ESRRG: variants seen among roughly 807,000 people sequenced by gnomAD.
ESRRG encodes estrogen-related receptor gamma.
In ESRRG, 13 loss-of-function variants were observed where a neutral mutation model predicts 44.0. The observed-to-expected ratio is 0.30, with a 90% CI of 0.19 to 0.47. The LOEUF (loss-of-function observed/expected upper bound fraction) is 0.47, where lower values mean the gene tolerates loss of function less well. Ranked by LOEUF, ESRRG falls within the 20% of genes least tolerant of loss-of-function variation. ESRRG has a pLI of 1.00. For synonymous variants in ESRRG, 215 were observed against 214.6 expected, an observed-to-expected ratio of 1.00 and a Z score of -0.02; for missense variants, 395 against 580.6, an observed-to-expected ratio of 0.68 and a Z score of 3.29.
chr1:216,737,777 T>TA (rs71817414), intron 2 of ESRRG, among the ~76,000 whole-genome samples: 141 of 147,722 alleles, frequency 9.5e-4, no homozygotes, highest in African/African-American at 1.7e-3. Context: ...AAGAAGGGAT[T>TA]AAAAAAAAAA....
intron 2 of ESRRG, among the ~76,000 whole-genome samples, chr1:216,904,204 AC>A (rs35823149): frequency 2.7e-5 from 4 of 150,274 alleles, no homozygotes; most frequent in African/African-American, 4.9e-5. Context: ...TGCAATCATC[AC>A]CCCCCCCAAC....
At chr1:217,044,457 C>T (rs1369473674) in intron 1 of ESRRG, among the ~76,000 whole-genome samples, 1 of 152,106 alleles carries the variant, frequency 6.6e-6, no homozygotes, top group Non-Finnish European at 1.5e-5. Flanking sequence ...ATTAATGTGA[C>T]CCATTCCTGG....
At chr1:216,778,568 C>A (rs567275351) in intron 2 of ESRRG, among the ~76,000 whole-genome samples, 1 of 152,032 alleles carries the variant, frequency 6.6e-6, no homozygotes, top group East Asian at 2.0e-4. Flanking sequence ...TTTCTTGGCC[C>A]ATCGCAGAGG....
chr1:216,721,064 C>A (rs999390889), intron 1 of ESRRG, among the ~76,000 whole-genome samples: 2 of 152,192 alleles, frequency 1.3e-5, no homozygotes, highest in Admixed American at 6.5e-5. Context: ...ATATTATTTT[C>A]ATCTATTTAT....
chr1:217,123,786 A>T (rs373581131), intron 1 of ESRRG, among the ~76,000 whole-genome samples: 3 of 152,144 alleles, frequency 2.0e-5, no homozygotes, highest in East Asian at 1.9e-4. Context: ...AGCATTAGGG[A>T]AAAGAGCTAA....
At chr1:216,695,279 A>G (rs375285025) in intron 1 of ESRRG, among the ~76,000 whole-genome samples, 16 of 152,122 alleles carry the variant, frequency 1.1e-4, no homozygotes, top group African/African-American at 3.4e-4. Flanking sequence ...AGTGGTTACA[A>G]AAATCTCATA....
chr1:216,509,521 C>A (rs1357008501), intron 6 of ESRRG, among the ~76,000 whole-genome samples: 1 of 152,166 alleles, frequency 6.6e-6, no homozygotes. Context: ...CTCGGCCCTA[C>A]CCATAGTCTT....
At chr1:216,996,774 C>T (rs1042774194) in intron 1 of ESRRG, among the ~76,000 whole-genome samples, 1 of 151,906 alleles carries the variant, frequency 6.6e-6, no homozygotes, top group East Asian at 1.9e-4. Flanking sequence ...TTCATTCAGC[C>T]AATATTCACT....
At chr1:217,043,753 T>C (rs1295207884) in intron 1 of ESRRG, among the ~76,000 whole-genome samples, 1 of 152,164 alleles carries the variant, frequency 6.6e-6, no homozygotes, top group Non-Finnish European at 1.5e-5. Context: ...ATATAGATTG[T>C]GCCCATACAG....
intron 1 of ESRRG, among the ~76,000 whole-genome samples, chr1:217,018,138 AT>A (rs1244317711): frequency 1.3e-5 from 2 of 152,214 alleles, no homozygotes; most frequent in African/African-American, 4.8e-5. Flanking sequence ...AATAATGGTT[AT>A]TAAATGTCTT....
At chr1:216,713,767 G>A (rs1186501148) in intron 1 of ESRRG, among the ~76,000 whole-genome samples, 1 of 152,008 alleles carries the variant, frequency 6.6e-6, no homozygotes, top group Admixed American at 6.6e-5. Flanking sequence ...TAACTTGAAT[G>A]AAAAAAGGCA....
At chr1:216,521,578 C>T (rs1335746825) in intron 5 of ESRRG, among the ~76,000 whole-genome samples, 23 of 152,108 alleles carry the variant, frequency 1.5e-4, no homozygotes, top group Admixed American at 1.5e-3. Flanking sequence ...ATGGACAGAG[C>T]GTGTAGCCCG....
chr1:217,029,689 C>T (rs1478424328), intron 1 of ESRRG, among the ~76,000 whole-genome samples: 2 of 152,094 alleles, frequency 1.3e-5, no homozygotes, highest in African/African-American at 4.8e-5. Context: ...AATATTTATA[C>T]ACTTGACTCA....
intron 1 of ESRRG, among the ~76,000 whole-genome samples, chr1:216,952,835 C>T (rs886856822): frequency 2.0e-5 from 3 of 152,068 alleles, no homozygotes; most frequent in Non-Finnish European, 4.4e-5. Context: ...GTTTTACTGT[C>T]AGCTACTAGC....
chr1:216,567,372 C>A (rs1457646350), intron 4 of ESRRG, among the ~76,000 whole-genome samples: 2 of 152,142 alleles, frequency 1.3e-5, no homozygotes, highest in African/African-American at 4.8e-5. Flanking sequence ...TGCAACTTGG[C>A]TCCATAAAAC....
At chr1:216,991,240 C>A (rs2818770) in intron 1 of ESRRG, among the ~76,000 whole-genome samples, 8 of 151,950 alleles carry the variant, frequency 5.3e-5, no homozygotes, top group Non-Finnish European at 1.2e-4. Context: ...CTGTTTCCGG[C>A]GCCAAAAAGG....
intron 6 of ESRRG, among the ~76,000 whole-genome samples, chr1:216,516,180 C>T (rs1408962159): frequency 1.3e-5 from 2 of 152,018 alleles, no homozygotes; most frequent in Admixed American, 1.3e-4. Context: ...TAAGAGAATA[C>T]ATAGCTTAAA....
chr1:216,743,542 A>G (rs534296374), intron 2 of ESRRG, among the ~76,000 whole-genome samples: 2 of 152,254 alleles, frequency 1.3e-5, no homozygotes, highest in Admixed American at 6.5e-5. Flanking sequence ...AGGCAGTCTT[A>G]GACCCAGAAA....
intron 1 of ESRRG, among the ~76,000 whole-genome samples, chr1:216,995,812 T>C (rs1479457002): frequency 6.6e-6 from 1 of 152,198 alleles, no homozygotes; most frequent in Non-Finnish European, 1.5e-5. Context: ...ATTTCCTCTA[T>C]CTCCTGACTA....
Sources: allele counts gnomAD v4.1 joint callset (sites outside exome capture counted in the v4.1 genomes callset), GRCh38; gene constraint gnomAD v4.1.1; transcripts MANE v1.5; gene names NCBI Gene and HGNC (gene_info 2026-07-23, HGNC 2026-07-21).